The following MACROD2 variants were observed in gnomAD, a reference collection of about 807,000 sequenced individuals.
MACROD2 encodes the protein ADP-ribose glycohydrolase MACROD2.
In MACROD2, 36 loss-of-function variants were observed where a neutral mutation model predicts 70.4. That is an observed-to-expected ratio of 0.51 (90% CI 0.39 to 0.68). MACROD2 has a LOEUF of 0.68. Ranked by LOEUF, MACROD2 falls within the 30% of genes least tolerant of loss-of-function variation. The pLI is 0.00. For missense variants in MACROD2, 496 were observed against 538.4 expected, an observed-to-expected ratio of 0.92 and a Z score of 0.78; for synonymous variants, 172 against 178.8, an observed-to-expected ratio of 0.96 and a Z score of 0.30.
intron 2 of MACROD2, among the ~76,000 whole-genome samples, chr20:14,064,031 C>T (rs567195061): frequency 4.6e-5 from 7 of 152,198 alleles, no homozygotes; most frequent in Admixed American, 2.6e-4. Flanking sequence ...CTGTCCTGTC[C>T]GAAGCATTTT....
chr20:15,612,978 C>T (rs2048990084), intron 8 of MACROD2, among the ~76,000 whole-genome samples: 1 of 152,124 alleles, frequency 6.6e-6, no homozygotes, highest in Non-Finnish European at 1.5e-5. Context: ...GGCACGGGAG[C>T]CAAGAGACTG....
At chr20:14,596,003 A>G (rs189070727) in intron 4 of MACROD2, among the ~76,000 whole-genome samples, 12 of 152,254 alleles carry the variant, frequency 7.9e-5, no homozygotes, top group Admixed American at 6.5e-4. Context: ...CATTGCTTGA[A>G]TGGGTTTAAT....
At position 16,044,575 on chromosome 20, in the gene MACROD2, A is replaced by AATG. The variant is rs1422936909; in HGVS notation, c.1238_1240dup (p.Met413dup). On this transcript the variant is annotated inframe_insertion, in exon 17 of 18. Transcript: ENST00000684519. The stretch of plus-strand genomic sequence containing the variant: ...TTTTTTTTTTTCTGGTGACAGTTGA[A>AATG]ATGAATAGTCAGGTTGACAAGGTAA... 2 of 1,612,280 alleles carry AATG rather than the reference A, an allele frequency of 1.2e-6. No homozygotes were observed. The highest frequency in any genetic ancestry group is 2.7e-5 in the African/African-American group (2 of 74,784).
chr20:14,545,672 G>T (rs951242127), intron 4 of MACROD2, among the ~76,000 whole-genome samples: 1 of 152,160 alleles, frequency 6.6e-6, no homozygotes, highest in African/African-American at 2.4e-5. Context: ...TAAATGCTTT[G>T]TTTGTTAAAG....
At chr20:14,163,519 C>G (rs974806464) in intron 3 of MACROD2, among the ~76,000 whole-genome samples, 1 of 151,964 alleles carries the variant, frequency 6.6e-6, no homozygotes, top group African/African-American at 2.4e-5. Flanking sequence ...AACTTTTTAT[C>G]TATTATTTCA....
intron 10 of MACROD2, among the ~76,000 whole-genome samples, chr20:15,905,123 G>T (rs2065127410): frequency 6.6e-6 from 1 of 152,018 alleles, no homozygotes; most frequent in Non-Finnish European, 1.5e-5. Flanking sequence ...GATTCTTTAT[G>T]AGCTCTTTTC....
chr20:14,920,649 T>G (rs1372305460), intron 5 of MACROD2, among the ~76,000 whole-genome samples: 1 of 152,166 alleles, frequency 6.6e-6, no homozygotes. Context: ...AGAGTTACCT[T>G]CTAGTATAGA....
chr20:14,449,821 CTGTT>C (rs2084224989), intron 3 of MACROD2, among the ~76,000 whole-genome samples: 1 of 152,094 alleles, frequency 6.6e-6, no homozygotes, highest in African/African-American at 2.4e-5. Flanking sequence ...GAATCTGAGT[CTGTT>C]TGATTTCAAA....
chr20:14,304,351 G>A (rs1051776821), intron 3 of MACROD2, among the ~76,000 whole-genome samples: 2 of 152,158 alleles, frequency 1.3e-5, no homozygotes, highest in Non-Finnish European at 2.9e-5. Context: ...CCAGGTTCAG[G>A]TAGTATCCAT....
At chr20:14,427,555 A>G (rs2083947714) in intron 3 of MACROD2, among the ~76,000 whole-genome samples, 1 of 151,938 alleles carries the variant, frequency 6.6e-6, no homozygotes, top group East Asian at 1.9e-4. Flanking sequence ...ATATCTCACT[A>G]TATTATATAT....
intron 7 of MACROD2, among the ~76,000 whole-genome samples, chr20:15,431,974 C>G (rs1319574853): frequency 3.3e-5 from 5 of 151,978 alleles, no homozygotes; most frequent in Non-Finnish European, 5.9e-5. Context: ...GCCTCACTTA[C>G]AGATGGAAGC....
intron 4 of MACROD2, among the ~76,000 whole-genome samples, chr20:14,655,474 T>G (rs1293739861): frequency 6.6e-6 from 1 of 152,088 alleles, no homozygotes; most frequent in East Asian, 1.9e-4. Context: ...TATTCAAACA[T>G]GATAAAATCG....
intron 8 of MACROD2, among the ~76,000 whole-genome samples, chr20:15,823,493 C>T (rs2063963786): frequency 6.6e-6 from 1 of 152,130 alleles, no homozygotes; most frequent in Non-Finnish European, 1.5e-5. Flanking sequence ...TTCTTCAATG[C>T]TTTTATTCCA....
chr20:14,066,433 A>T (rs115733156), intron 2 of MACROD2, among the ~76,000 whole-genome samples: 2 of 152,244 alleles, frequency 1.3e-5, no homozygotes, highest in African/African-American at 4.8e-5. Flanking sequence ...TTTGATACAT[A>T]GTCTTGAAAG....
intron 7 of MACROD2, among the ~76,000 whole-genome samples, chr20:15,441,468 A>G (rs1234733438): frequency 1.3e-5 from 2 of 152,170 alleles, no homozygotes; most frequent in East Asian, 3.9e-4. Context: ...ATGCAGAGGC[A>G]GTGAGAAACC....
chr20:15,101,356 T>G (rs1568573781), intron 5 of MACROD2, among the ~76,000 whole-genome samples: 1 of 152,024 alleles, frequency 6.6e-6, no homozygotes, highest in African/African-American at 2.4e-5. Flanking sequence ...CAGTTTAGTT[T>G]AGTTCATCTG....
At chr20:15,891,358 C>T (rs2064887273) in intron 10 of MACROD2, among the ~76,000 whole-genome samples, 1 of 152,088 alleles carries the variant, frequency 6.6e-6, no homozygotes, top group South Asian at 2.1e-4. Flanking sequence ...GTAAGCGGGG[C>T]CCCAATGACA....
intron 3 of MACROD2, among the ~76,000 whole-genome samples, chr20:14,347,548 AC>A (rs1568570948): frequency 6.6e-6 from 1 of 152,124 alleles, no homozygotes; most frequent in African/African-American, 2.4e-5. Context: ...GAGATGTGTT[AC>A]TAGTCTGGAA....
intron 4 of MACROD2, among the ~76,000 whole-genome samples, chr20:14,582,382 GCTT>G (rs1461900692): frequency 6.6e-6 from 1 of 152,002 alleles, no homozygotes; most frequent in Non-Finnish European, 1.5e-5. Flanking sequence ...TTATCCCCAT[GCTT>G]TCGTCTGCTG....
Sources: allele counts gnomAD v4.1 joint callset (sites outside exome capture counted in the v4.1 genomes callset), GRCh38; gene constraint gnomAD v4.1.1; transcripts MANE v1.5; gene names NCBI Gene and HGNC (gene_info 2026-07-23, HGNC 2026-07-21).